Variants in NIBAN3 observed in about 807,000 individuals in gnomAD.
NIBAN3 encodes the protein niban apoptosis regulator 3.
A neutral mutation model predicts 76.4 loss-of-function variants in NIBAN3; 66 were observed. The observed-to-expected ratio is 0.86, with a 90% CI of 0.71 to 1.06. NIBAN3 has a LOEUF of 1.06. NIBAN3 is among the 50% of genes least tolerant of loss of function. The pLI is 0.00. For missense variants in NIBAN3, 808 were observed against 810.7 expected (o/e 1.00, Z 0.04); for synonymous variants, 360 against 355.2 (o/e 1.01, Z -0.15).
In NIBAN3 at chr19:17,530,739, C is replaced by T. The variant is rs1481049732; in HGVS notation, c.56-16C>T. On this transcript the variant is annotated splice_polypyrimidine_tract_variant and intron_variant, in intron 1 of 14. Transcript: ENST00000599164. Reference sequence around the variant, plus strand: ...AGATTCAATTTGCTGGGTTCACTGTCCCCTTGTCCCTGCAGGTCAGGTGGA... The same window carrying T: ...AGATTCAATTTGCTGGGTTCACTGTTCCCTTGTCCCTGCAGGTCAGGTGGA... 6.3e-7 allele frequency: 1 copy of T among 1,598,750 alleles called. No individual in the cohort carries two copies. The highest frequency in any genetic ancestry group is 2.3e-5 in the East Asian group (1 of 44,206).
At chr19:17,543,470 G>A (rs763424298) in intron 11 of NIBAN3, 37 bp downstream of exon 11, 5 of 1,610,108 alleles carry the variant, frequency 3.1e-6, no homozygotes, top group African/African-American at 1.3e-5. Flanking sequence ...TGGGGTGGCA[G>A]TGGGCCTGGG....
intron 10 of NIBAN3, 118 bp from the exon 11 acceptor site, chr19:17,543,199 T>A: frequency 3.0e-6 from 2 of 657,638 alleles, no homozygotes; most frequent in Non-Finnish European, 5.4e-6. Context: ...AGGAGGAGGT[T>A]GGGCAGAGGT....
chr19:17,540,328 T>G, intron 8 of NIBAN3, 64 bp from the exon 9 acceptor site: 1 of 1,279,498 alleles, frequency 7.8e-7, no homozygotes, highest in Non-Finnish European at 1.0e-6. Flanking sequence ...CGAGGGCCCC[T>G]GCACATCCCC....
chr19:17,544,291 G>A (rs528863962), intron 12 of NIBAN3, among the ~76,000 whole-genome samples: 1 of 152,340 alleles, frequency 6.6e-6, no homozygotes, highest in East Asian at 1.9e-4. Flanking sequence ...GCAAGGGCCT[G>A]TCTCTTTTTA....
intron 13 of NIBAN3, among the ~76,000 whole-genome samples, chr19:17,548,661 C>T (rs2076101788): frequency 3.3e-5 from 5 of 152,176 alleles, no homozygotes; most frequent in African/African-American, 9.7e-5. Context: ...CACTGTGGCT[C>T]ACGCCTGTAA....
intron 14 of NIBAN3, among the ~76,000 whole-genome samples, chr19:17,549,966 C>T (rs1309370777): frequency 1.3e-5 from 2 of 151,954 alleles, no homozygotes; most frequent in Non-Finnish European, 2.9e-5. Flanking sequence ...ACAGGCGGCA[C>T]ATGCCACCAT....
intron 12 of NIBAN3, chr19:17,545,954 C>T (rs2076046714): frequency 2.3e-6 from 1 of 441,486 alleles, no homozygotes; most frequent in South Asian, 1.6e-5. Flanking sequence ...TGCTAAGTAG[C>T]CGGTGTTTTT....
At chr19:17,541,966 G>T (rs528916505) in intron 9 of NIBAN3, among the ~76,000 whole-genome samples, 170 bp from the exon 10 acceptor site, 8 of 152,096 alleles carry the variant, frequency 5.3e-5, no homozygotes, top group Non-Finnish European at 1.0e-4. Flanking sequence ...CTACAGGTGT[G>T]AGCCACCATG....
chr19:17,523,842 C>T (rs998008697), upstream of NIBAN3, among the ~76,000 whole-genome samples: 6 of 152,266 alleles, frequency 3.9e-5, no homozygotes, highest in Non-Finnish European at 5.9e-5. Flanking sequence ...GTGCTGAGCC[C>T]GCTGCCCGGT....
intron 12 of NIBAN3, chr19:17,545,997 T>G (rs2076047793): frequency 2.3e-6 from 1 of 435,930 alleles, no homozygotes. Context: ...TAGACCACGG[T>G]CTGCCTGGCA....
Position 17,539,903 on chromosome 19 carries a change from A to G in NIBAN3, c.979+138A>G, listed in dbSNP as rs149934394. 5.3e-3 allele frequency: 1,380 copies of G among 258,554 alleles called. 12 individuals carry two copies. Among genetic ancestry groups the G allele is most frequent in the Middle Eastern group, 0.011 (7 of 666 alleles). 16.0% of individuals were successfully genotyped at this position (258,554 alleles called of 1,614,324 possible). A position where few individuals can be genotyped will look rare whatever the true frequency, so the allele number is the denominator to read the frequency against. On this transcript the variant is annotated intron_variant, in intron 8 of 14. Transcript: ENST00000599164. ...AGAGAGGGGCGGGGCCAAGCATAGG[A>G]TGTGCAAGGGAACGGGTGGGGAAGG...
downstream of NIBAN3, among the ~76,000 whole-genome samples, chr19:17,554,093 C>T (rs972632686): frequency 6.6e-5 from 10 of 152,162 alleles, no homozygotes; most frequent in African/African-American, 1.4e-4. Context: ...AAGCTGGTCT[C>T]GAACTCCTGA....
chr19:17,535,540 AC>A (rs1207754207), intron 4 of NIBAN3, among the ~76,000 whole-genome samples: 3 of 152,124 alleles, frequency 2.0e-5, no homozygotes, highest in Non-Finnish European at 4.4e-5. Flanking sequence ...CGGGCAGATC[AC>A]CTGAGGTCCC....
At chr19:17,531,344 C>T (rs1191006258) in intron 2 of NIBAN3, among the ~76,000 whole-genome samples, 1 of 111,498 alleles carries the variant, frequency 9.0e-6, no homozygotes, top group African/African-American at 4.1e-5. Flanking sequence ...CACACACACA[C>T]ACACACACAC....
Position 17,527,274 on chromosome 19 carries a change from C to G in NIBAN3, c.-67C>G. ...GCCTCTCACCCGCCATCCAGGTGCC[C>G]CTGAGCCGAGGAACGCAGGCGGTGG... On this transcript the variant is annotated 5_prime_UTR_variant, in exon 1 of 15. Coordinates refer to ENST00000599164, the MANE Select transcript of NIBAN3 (RefSeq NM_001321827.2). 1.3e-6 allele frequency: 2 copies of G among 1,550,562 alleles called. No individual in the cohort carries two copies. The highest frequency in any genetic ancestry group is 1.7e-6 in the Non-Finnish European group (2 of 1,146,844).
At chr19:17,550,788 G>T (rs2076141076) in intron 14 of NIBAN3, among the ~76,000 whole-genome samples, 1 of 148,670 alleles carries the variant, frequency 6.7e-6, no homozygotes, top group African/African-American at 2.5e-5. Context: ...ACAGGCATTT[G>T]GTTTCTAGTC....
chr19:17,532,523 T>C, intron 3 of NIBAN3, 135 bp downstream of exon 3: 3 of 1,425,278 alleles, frequency 2.1e-6, no homozygotes, highest in Non-Finnish European at 2.0e-6. Flanking sequence ...TGTGCCCCTA[T>C]GTGTTTGGCC....
intron 5 of NIBAN3, among the ~76,000 whole-genome samples, chr19:17,538,733 A>G (rs534110122): frequency 2.1e-5 from 1 of 47,182 alleles, no homozygotes; most frequent in East Asian, 2.8e-4. Context: ...AAAGAAAGCA[A>G]GAAAGAAAGA....
In NIBAN3 at chr19:17,532,972, G is replaced by A. The variant is rs549238120; in HGVS notation, c.312+584G>A. 1.6e-3 allele frequency among the ~76,000 whole-genome samples: 242 copies of A among 149,700 alleles called. 1 individual carries two copies. The highest frequency in any genetic ancestry group is 4.9e-4 in the Non-Finnish European group (33 of 67,232). Reference sequence around the variant, plus strand: ...TAGGATGGATGGAGGGAGAGAGGAGGAAAAAAAAAGGGAGGGAGAGCCGGG... The same window carrying A: ...TAGGATGGATGGAGGGAGAGAGGAGAAAAAAAAAAGGGAGGGAGAGCCGGG... On this transcript the variant is annotated intron_variant, in intron 3 of 14. Transcript: ENST00000599164.
Sources: allele counts gnomAD v4.1 joint callset (sites outside exome capture counted in the v4.1 genomes callset), GRCh38; gene constraint gnomAD v4.1.1; transcripts MANE v1.5; gene names NCBI Gene and HGNC (gene_info 2026-07-23, HGNC 2026-07-21).